ANKRD30BL: variants seen among roughly 807,000 people sequenced by gnomAD.
ANKRD30BL encodes ankyrin repeat domain 30B like.
ANKRD30BL carries 20 observed loss-of-function variants against 18.4 expected under a neutral mutation model. That is an observed-to-expected ratio of 1.09 (90% CI 0.77 to 1.58). The LOEUF (loss-of-function observed/expected upper bound fraction) is 1.58. Among genes scored for constraint, ANKRD30BL ranks in the 40% most tolerant of loss-of-function variants. The pLI, the probability that ANKRD30BL is intolerant of heterozygous loss-of-function variation, is 0.00. For missense variants in ANKRD30BL, 224 were observed against 268.6 expected, an observed-to-expected ratio of 0.83 and a Z score of 1.16; for synonymous variants, 72 against 100.9, an observed-to-expected ratio of 0.71 and a Z score of 1.72.
chr2:132,170,949 G>A (rs539175076), intron 1 of ANKRD30BL, among the ~76,000 whole-genome samples: 15 of 152,300 alleles, frequency 9.8e-5, no homozygotes, highest in Admixed American at 3.3e-4. Flanking sequence ...GTGGTGAGGA[G>A]ATCGAGACCA....
At chr2:132,159,478 T>A (rs547549412) in intron 1 of ANKRD30BL, among the ~76,000 whole-genome samples, 183 of 152,260 alleles carry the variant, frequency 1.2e-3, no homozygotes, top group African/African-American at 4.4e-3. Context: ...GAACACTAAA[T>A]ATTGTTTTCT....
chr2:132,188,454 C>T (rs899890591), intron 1 of ANKRD30BL, among the ~76,000 whole-genome samples: 1 of 152,320 alleles, frequency 6.6e-6, no homozygotes, highest in Admixed American at 6.5e-5. Context: ...CGGTGGCTCA[C>T]GCCTATAATC....
chr2:132,150,007 G>A (rs1318438371), intron 5 of ANKRD30BL, among the ~76,000 whole-genome samples: 1 of 152,122 alleles, frequency 6.6e-6, no homozygotes, highest in Non-Finnish European at 1.5e-5. Context: ...ACAGTAGAAT[G>A]TTAGTAGAGT....
upstream of ANKRD30BL, among the ~76,000 whole-genome samples, chr2:132,166,799 T>G (rs1427687430): frequency 6.6e-6 from 1 of 152,068 alleles, no homozygotes; most frequent in Non-Finnish European, 1.5e-5. Context: ...TTTTCTATTT[T>G]ACTGATATCT....
chr2:132,218,435 G>A (rs1156601570), intron 1 of ANKRD30BL, among the ~76,000 whole-genome samples: 3 of 139,538 alleles, frequency 2.1e-5, no homozygotes, highest in Admixed American at 1.5e-4. Flanking sequence ...AGAGCTTTGA[G>A]GCCTATGGTG....
At chr2:132,229,164 A>G (rs113172540) in intron 1 of ANKRD30BL, among the ~76,000 whole-genome samples, 1 of 152,114 alleles carries the variant, frequency 6.6e-6, no homozygotes, top group East Asian at 1.9e-4. Context: ...TGATGTGTGC[A>G]TTCAACCCCC....
At chr2:132,188,415 G>A (rs1274715582) in intron 1 of ANKRD30BL, among the ~76,000 whole-genome samples, 1 of 152,122 alleles carries the variant, frequency 6.6e-6, no homozygotes, top group African/African-American at 2.4e-5. Flanking sequence ...GAATTTAGGA[G>A]TTAAAAAATC....
intron 1 of ANKRD30BL, among the ~76,000 whole-genome samples, chr2:132,245,179 TTTC>T (rs377351293): frequency 4.6e-4 from 65 of 139,902 alleles, no homozygotes; most frequent in Middle Eastern, 3.7e-3. Flanking sequence ...TGAATCTTTC[TTTC>T]GATAGAGCAG....
At chr2:132,257,944 G>C (rs1487967042) in exon 1 of ANKRD30BL, 1 of 153,414 alleles carries the variant, frequency 6.5e-6, no homozygotes, top group African/African-American at 2.4e-5. Flanking sequence ...TAGCCCCTCG[G>C]CGGCCGGCCG....
chr2:132,257,659 A>C (rs1370926927), exon 1 of ANKRD30BL: 1 of 158,822 alleles, frequency 6.3e-6, no homozygotes, highest in African/African-American at 2.4e-5. Flanking sequence ...TCGCTAGAGA[A>C]GGCTTTCTCA....
chr2:132,222,001 G>C (rs1679702232), intron 1 of ANKRD30BL, among the ~76,000 whole-genome samples: 1 of 138,234 alleles, frequency 7.2e-6, no homozygotes, highest in Non-Finnish European at 1.6e-5. Flanking sequence ...TGGGAAGTGA[G>C]GAGCCCCTCT....
chr2:132,252,342 C>T (rs1180306082), intron 1 of ANKRD30BL, among the ~76,000 whole-genome samples: 21 of 152,208 alleles, frequency 1.4e-4, no homozygotes, highest in Non-Finnish European at 2.1e-4. Flanking sequence ...TGCCCTGCCC[C>T]GACATGGAAG....
At chr2:132,181,984 G>T (rs1001326186) in intron 1 of ANKRD30BL, among the ~76,000 whole-genome samples, 3 of 152,056 alleles carry the variant, frequency 2.0e-5, no homozygotes, top group African/African-American at 4.8e-5. Context: ...GGTGGTGCAT[G>T]CCTGTAATCC....
chr2:132,252,982 CGT>C (rs1156765578), intron 1 of ANKRD30BL, among the ~76,000 whole-genome samples: 2 of 152,000 alleles, frequency 1.3e-5, no homozygotes, highest in African/African-American at 4.8e-5. Flanking sequence ...CCACCCAACG[CGT>C]GACTACACAG....
chr2:132,151,455 T>C (rs1318129917), intron 4 of ANKRD30BL, among the ~76,000 whole-genome samples: 1 of 152,100 alleles, frequency 6.6e-6, no homozygotes, highest in Admixed American at 6.6e-5. Context: ...TGAAACAATT[T>C]AAAATTCCCA....
chr2:132,245,220 G>A (rs1380327465), intron 1 of ANKRD30BL, among the ~76,000 whole-genome samples: 6 of 152,272 alleles, frequency 3.9e-5, no homozygotes, highest in Admixed American at 2.0e-4. Flanking sequence ...TGTACAATTT[G>A]CAAGCGGATG....
intron 1 of ANKRD30BL, among the ~76,000 whole-genome samples, chr2:132,177,574 A>C (rs960884239): frequency 6.6e-6 from 1 of 152,208 alleles, no homozygotes. Context: ...GATCTTATCA[A>C]TGTTTATATC....
At chr2:132,233,190 A>C (rs1239616099) in intron 1 of ANKRD30BL, among the ~76,000 whole-genome samples, 3 of 152,022 alleles carry the variant, frequency 2.0e-5, no homozygotes, top group African/African-American at 7.2e-5. Context: ...AGGAAGCACT[A>C]AACATGGAAA....
At chr2:132,163,544 AAAAT>A (rs1427763443), upstream of ANKRD30BL, among the ~76,000 whole-genome samples, 1 of 152,242 alleles carries the variant, frequency 6.6e-6, no homozygotes, top group Non-Finnish European at 1.5e-5. Flanking sequence ...ACTCTCTCTC[AAAAT>A]AAATAAATGA....
Sources: allele counts gnomAD v4.1 joint callset (sites outside exome capture counted in the v4.1 genomes callset), GRCh38; gene constraint gnomAD v4.1.1; transcripts MANE v1.5; gene names NCBI Gene and HGNC (gene_info 2026-07-23, HGNC 2026-07-21).